Variants in DST observed in about 807,000 individuals in gnomAD.
DST encodes the protein bullous pemphigoid antigen.
DST carries 253 observed loss-of-function variants against 875.2 expected under a neutral mutation model. That is an observed-to-expected ratio of 0.29 (90% CI 0.26 to 0.32). The LOEUF is 0.32. Among genes scored for constraint, DST ranks in the 10% least tolerant of loss-of-function variants. The pLI, the probability that DST is intolerant of heterozygous loss-of-function variation, is 1.00. For synonymous variants in DST, 3,124 were observed against 3,197.1 expected (o/e 0.98, Z 0.77); for missense variants, 8,287 against 9,111.6 (o/e 0.91, Z 3.68).
At chr6:56,861,939 A>G (rs6910414) in intron 3 of DST, 36,887 of 151,988 alleles carry the variant, frequency 0.24, 5,951 homozygotes, top group African/African-American at 0.45. Flanking sequence ...AAGACAAGGG[A>G]ACACCTCTTA....
intron 10 of DST, among the ~76,000 whole-genome samples, chr6:56,658,035 G>A (rs1349344066): frequency 6.6e-6 from 1 of 151,394 alleles, no homozygotes; most frequent in African/African-American, 2.4e-5. Flanking sequence ...CCAACTGCTG[G>A]TATTATAGGC....
At chr6:56,469,296 T>A (rs2094759074) in intron 97 of DST, among the ~76,000 whole-genome samples, 1 of 151,966 alleles carries the variant, frequency 6.6e-6, no homozygotes, top group African/African-American at 2.4e-5. Flanking sequence ...GCACACTGTA[T>A]TGGGGAAACT....
At chr6:56,900,951 A>C (rs969084912) in intron 2 of DST, among the ~76,000 whole-genome samples, 6 of 151,826 alleles carry the variant, frequency 4.0e-5, no homozygotes, top group Middle Eastern at 3.2e-3. Context: ...GACTGTGAAG[A>C]AGGGCGTTTC....
intron 3 of DST, among the ~76,000 whole-genome samples, chr6:56,899,843 T>A (rs1289097822): frequency 6.6e-6 from 1 of 152,178 alleles, no homozygotes; most frequent in Non-Finnish European, 1.5e-5. Flanking sequence ...AAGGTGGCAT[T>A]GTGGCCAACA....
chr6:56,901,979 T>C (rs1362327733), intron 2 of DST, among the ~76,000 whole-genome samples: 1 of 152,222 alleles, frequency 6.6e-6, no homozygotes, highest in Non-Finnish European at 1.5e-5. Flanking sequence ...TAGTAGACTC[T>C]CAGCGCTAGC....
intron 2 of DST, among the ~76,000 whole-genome samples, chr6:56,933,503 G>A (rs1378431450): frequency 1.3e-5 from 2 of 152,156 alleles, no homozygotes; most frequent in Admixed American, 6.5e-5. Context: ...TGGCCTTACC[G>A]TGCCAGGTGA....
At position 56,509,422 on chromosome 6, in the gene DST, G is replaced by A. The variant is rs144231699; in HGVS notation, c.19012+220C>T. On this transcript the variant is annotated intron_variant, in intron 74 of 103. Coordinates refer to ENST00000680361, the MANE Select transcript of DST (RefSeq NM_001374736.1). The stretch of plus-strand genomic sequence containing the variant: ...TTTGAACATATGGTCTTTATACATG[G>A]TCTATGTATAATGGCACGCTTTGTA... 2.1e-3 allele frequency among the ~76,000 whole-genome samples: 326 copies of A among 152,220 alleles called. 1 individual carries two copies. The highest frequency in any genetic ancestry group is 7.2e-3 in the African/African-American group (299 of 41,544).
chr6:56,769,502 A>G (rs1303252694), intron 4 of DST, among the ~76,000 whole-genome samples: 1 of 152,098 alleles, frequency 6.6e-6, no homozygotes, highest in Non-Finnish European at 1.5e-5. Context: ...TTTTCTGTAA[A>G]CTTAAACTGC....
chr6:56,819,702 G>A (rs1289546155), intron 4 of DST, among the ~76,000 whole-genome samples: 1 of 140,228 alleles, frequency 7.1e-6, no homozygotes, highest in Non-Finnish European at 1.6e-5. Flanking sequence ...AAAATTAACA[G>A]GTACTACAAT....
At chr6:56,861,091 C>T (rs1770924562) in intron 3 of DST, among the ~76,000 whole-genome samples, 1 of 152,130 alleles carries the variant, frequency 6.6e-6, no homozygotes, top group Middle Eastern at 3.2e-3. Flanking sequence ...ATTTTCATTA[C>T]CTGTCTTCAT....
intron 2 of DST, among the ~76,000 whole-genome samples, chr6:56,909,632 C>T (rs1204215943): frequency 4.6e-5 from 7 of 152,224 alleles, no homozygotes; most frequent in Non-Finnish European, 8.8e-5. Context: ...CTTTATCAAG[C>T]ATCAGAACCA....
intron 17 of DST, 50 bp from the exon 18 acceptor site, chr6:56,640,655 CAA>C: frequency 1.5e-6 from 2 of 1,370,876 alleles, no homozygotes; most frequent in Non-Finnish European, 2.1e-6. Flanking sequence ...GCACTTGTAA[CAA>C]AGAGTGAACT....
chr6:56,628,542 A>T (rs2098752436), intron 32 of DST, among the ~76,000 whole-genome samples: 1 of 152,200 alleles, frequency 6.6e-6, no homozygotes, highest in Non-Finnish European at 1.5e-5. Context: ...AGTCCAATGA[A>T]TGGTTCAACA....
chr6:56,485,323 C>A lies in DST; in HGVS notation c.21196G>T (p.Asp7066Tyr), dbSNP rs771523826. 2 of 1,613,428 alleles carry A rather than the reference C, an allele frequency of 1.2e-6. No homozygotes were observed. Among genetic ancestry groups the A allele is most frequent in the East Asian group, 4.5e-5 (2 of 44,876 alleles). ...GDIDLVMNLI[D>Y]NHKAFQKELG... Reference sequence around the variant, plus strand: ...CCAGATAACAATACCTTGTGATTATCGATCAGATTCATCACCAAATCAATG... The same window carrying A: ...CCAGATAACAATACCTTGTGATTATAGATCAGATTCATCACCAAATCAATG... Residue 7066 changes from aspartate to tyrosine, a missense_variant, in exon 88 of 104, where the codon GAT becomes TAT. By Grantham distance (160) the Asp-to-Tyr change is radical. Transcript: ENST00000680361.
Position 56,508,532 on chromosome 6 carries a change from T to C in DST, c.19236A>G (p.Ala6412=), listed in dbSNP as rs2096395802. The C allele has an allele frequency of 1.2e-6, 2 of 1,612,486 alleles. No homozygotes were observed. Among genetic ancestry groups the C allele is most frequent in the Admixed American group, 1.7e-5 (1 of 59,990 alleles). The stretch of plus-strand genomic sequence containing the variant: ...TTAAATGAGATTTTCTGCTTACCTC[T>C]GCTGCTTCTTGCTGTTGTTTTACTA... ...PSVVKQQQEA[A]ETIREEIDGL... is the part of the protein sequence containing the mutation. The change falls in exon 75 of 104, where the codon GCA becomes GCG. Residue 6412 remains alanine, a synonymous_variant. Transcript: ENST00000680361.
At chr6:56,571,605 T>C (rs961753717) in intron 53 of DST, among the ~76,000 whole-genome samples, 1 of 152,222 alleles carries the variant, frequency 6.6e-6, no homozygotes, top group Non-Finnish European at 1.5e-5. Flanking sequence ...TTAGGTTCAT[T>C]CACTTGTTTC....
chr6:56,620,590 A>C, intron 36 of DST: 1 of 1,614,066 alleles, frequency 6.2e-7, no homozygotes, highest in Non-Finnish European at 8.5e-7. Context: ...TCTTTAGTTC[A>C]GCTACCATTC....
chr6:56,706,205 T>G (rs547258640), intron 5 of DST, among the ~76,000 whole-genome samples: 1 of 151,758 alleles, frequency 6.6e-6, no homozygotes, highest in Non-Finnish European at 1.5e-5. Context: ...TCCCAGCTAC[T>G]TGGGAGGCTG....
At chr6:56,787,923 G>C (rs1391484932) in intron 4 of DST, among the ~76,000 whole-genome samples, 1 of 151,784 alleles carries the variant, frequency 6.6e-6, no homozygotes, top group Non-Finnish European at 1.5e-5. Flanking sequence ...TGGATCACCT[G>C]AGGTCACGAG....
Sources: allele counts gnomAD v4.1 joint callset (sites outside exome capture counted in the v4.1 genomes callset), GRCh38; gene constraint gnomAD v4.1.1; transcripts MANE v1.5; gene names NCBI Gene and HGNC (gene_info 2026-07-23, HGNC 2026-07-21).